Variants in TULP4 observed in about 807,000 individuals in gnomAD.
The protein encoded by TULP4 is TUB like protein 4.
Under a neutral mutation model 129.0 loss-of-function variants are expected in TULP4, and 16 were observed. The ratio of observed to expected loss-of-function variants is 0.12; its 90% CI spans 0.08 to 0.19. TULP4 has a LOEUF of 0.19. Among genes scored for constraint, TULP4 ranks in the 10% least tolerant of loss-of-function variants. TULP4 has a pLI of 1.00. For missense variants in TULP4, 1,842 were observed against 2,059.1 expected (o/e 0.89, Z 2.04); for synonymous variants, 998 against 854.0 (o/e 1.17, Z -2.94).
intron 6 of TULP4, among the ~76,000 whole-genome samples, chr6:158,471,142 A>G (rs952432341): frequency 6.6e-6 from 1 of 152,216 alleles, no homozygotes; most frequent in Non-Finnish European, 1.5e-5. Flanking sequence ...GTAGAAAGAG[A>G]CAAAGGATTT....
chr6:158,244,067 G>A (rs552212278), intron 1 of TULP4, among the ~76,000 whole-genome samples: 106 of 152,182 alleles, frequency 7.0e-4, no homozygotes, highest in Non-Finnish European at 1.3e-3. Flanking sequence ...CATTATGAAC[G>A]CCTATTTTAG....
chr6:158,474,009 C>T (rs1255439163), intron 6 of TULP4, among the ~76,000 whole-genome samples: 1 of 151,694 alleles, frequency 6.6e-6, no homozygotes, highest in Non-Finnish European at 1.5e-5. Context: ...TTTGTAGAGA[C>T]AGGGTCTTGC....
At chr6:158,262,814 G>A (rs1265098743) in intron 1 of TULP4, among the ~76,000 whole-genome samples, 1 of 152,166 alleles carries the variant, frequency 6.6e-6, no homozygotes, top group Admixed American at 6.5e-5. Context: ...TGCTTTTCAG[G>A]AGTGCAGCCG....
In TULP4 at chr6:158,493,667, G is replaced by T. The variant is rs150873405; in HGVS notation, c.1726G>T (p.Gly576Cys). Residue 576 changes from glycine (G) to cysteine (C), a missense_variant, in exon 10 of 14, where the codon GGC becomes TGC. Physicochemically the swap from Gly to Cys is radical, Grantham distance 159. This residue lies in a region of TULP4 where 456 missense variants were observed against 534.3 expected (regional missense o/e 0.85). Transcript: ENST00000367097. The surrounding 1 kb of genome is among the most constrained non-coding windows in gnomAD (Gnocchi z 4.4). ...PRLPLRKPSV[G>C]SPSLTRREFP... ...GTTGCCCCTGCGCAAGCCCTCTGTGGGCTCGCCCAGCCTGACTCGGAGAGA... is the reference window on the plus strand; with the variant it reads ...GTTGCCCCTGCGCAAGCCCTCTGTGTGCTCGCCCAGCCTGACTCGGAGAGA... 6.9e-6 allele frequency: 11 copies of T among 1,596,848 alleles called. No individual in the cohort carries two copies. The African/African-American group carries it at 1.5e-4, about 22-fold the overall frequency.
intron 3 of TULP4, among the ~76,000 whole-genome samples, chr6:158,432,824 T>C (rs894643364): frequency 3.9e-5 from 6 of 152,248 alleles, no homozygotes; most frequent in Admixed American, 2.6e-4. Flanking sequence ...CTGAAACATT[T>C]TGCCATATTT....
rs3749853 is a variant in TULP4 at position 158,503,563 on chromosome 6, A to G, written c.3900A>G (p.Gln1300=). The G allele has an allele frequency of 0.18, 289,536 of 1,613,844 alleles. 26,812 individuals carry two copies. Among genetic ancestry groups the G allele is most frequent in the Non-Finnish European group, 0.19 (225,030 of 1,179,960 alleles). ...TGTCCCCACCACCTGCCGACCTCCAAAGCCACTTGGGCACAGAGGTGATGG... is the reference window on the plus strand; with the variant it reads ...TGTCCCCACCACCTGCCGACCTCCAGAGCCACTTGGGCACAGAGGTGATGG... ...PLVSPPPADL[Q]SHLGTEVMVE... Residue 1300 remains glutamine, a synonymous_variant, in exon 13 of 14, where the codon CAA becomes CAG. Transcript: ENST00000367097. The surrounding 1 kb of genome is among the most constrained non-coding windows in gnomAD (Gnocchi z 4.3).
At chr6:158,371,479 T>G (rs999271153) in intron 1 of TULP4, among the ~76,000 whole-genome samples, 10 of 152,204 alleles carry the variant, frequency 6.6e-5, no homozygotes, top group African/African-American at 2.2e-4. Flanking sequence ...AATATTAGTA[T>G]TATTTGATCA....
chr6:158,445,832 G>A (rs1484874091), intron 3 of TULP4, among the ~76,000 whole-genome samples: 4 of 152,184 alleles, frequency 2.6e-5, no homozygotes, highest in African/African-American at 9.7e-5. Flanking sequence ...TGGCAGGAAT[G>A]CAGTTGGATG....
At chr6:158,424,117 C>T (rs922086524) in intron 2 of TULP4, among the ~76,000 whole-genome samples, 5 of 152,060 alleles carry the variant, frequency 3.3e-5, no homozygotes, top group Admixed American at 6.6e-5. Flanking sequence ...TATATTTGCC[C>T]GTGTTCATAC....
At chr6:158,377,504 T>C (rs1016214395) in intron 1 of TULP4, among the ~76,000 whole-genome samples, 1 of 152,270 alleles carries the variant, frequency 6.6e-6, no homozygotes, top group African/African-American at 2.4e-5. Flanking sequence ...AATTGTAATG[T>C]AAATGTAATT....
At chr6:158,334,922 A>G (rs1480042750) in intron 1 of TULP4, among the ~76,000 whole-genome samples, 2 of 152,170 alleles carry the variant, frequency 1.3e-5, no homozygotes, top group South Asian at 2.1e-4. Flanking sequence ...CCTTCACCAG[A>G]CACCATCTCT....
chr6:158,315,265 G>A (rs868597010), intron 1 of TULP4, among the ~76,000 whole-genome samples: 7 of 152,146 alleles, frequency 4.6e-5, no homozygotes, highest in South Asian at 2.1e-4. Context: ...CTCAAGATCC[G>A]GGGCTAGTAT....
In TULP4 at chr6:158,502,214, C is replaced by T. The variant is rs1187898260; in HGVS notation, c.2551C>T (p.Pro851Ser). Reference protein sequence around the residue: ...IPAAPTTAAPPPPLPPPQPPV... With the variant: ...IPAAPTTAAPSPPLPPPQPPV... ...CGCTGCCCCCACCACAGCAGCACCC[C>T]CGCCCCCTCTGCCGCCCCCACAGCC... Residue 851 changes from proline to serine, a missense_variant, in exon 13 of 14, where the codon CCG (proline) becomes TCG (serine). Physicochemically the swap from Pro to Ser is moderately conservative, Grantham distance 74 (BLOSUM62 -1). This residue lies in a region of TULP4 where 1,089 missense variants were observed against 987.1 expected (regional missense o/e 1.10). Transcript: ENST00000367097. The T allele has an allele frequency of 2.6e-6, 4 of 1,513,360 alleles. No individual in the cohort carries two copies. The East Asian group carries it at 7.1e-5, about 27-fold the overall frequency. The allele number at this position is 1,513,360 out of a possible 1,614,324, so 93.7% of individuals were successfully genotyped here. A position where few individuals can be genotyped will look rare whatever the true frequency, so the allele number is the denominator to read the frequency against.
At chr6:158,406,397 A>G (rs930451701) in intron 1 of TULP4, among the ~76,000 whole-genome samples, 2 of 152,210 alleles carry the variant, frequency 1.3e-5, no homozygotes, top group Admixed American at 1.3e-4. Context: ...AGTGATGAGG[A>G]AAAATGTGAA....
chr6:158,358,153 C>A (rs1037105839), intron 1 of TULP4, among the ~76,000 whole-genome samples: 2 of 152,170 alleles, frequency 1.3e-5, no homozygotes, highest in Non-Finnish European at 2.9e-5. Context: ...TTCTCAAGAT[C>A]GGTTTCTCAG....
intron 1 of TULP4, among the ~76,000 whole-genome samples, chr6:158,248,563 C>T (rs2128450803): frequency 6.6e-6 from 1 of 152,188 alleles, no homozygotes; most frequent in Non-Finnish European, 1.5e-5. Flanking sequence ...GCCACCGTGC[C>T]CGGCGTCTGT....
intron 1 of TULP4, among the ~76,000 whole-genome samples, chr6:158,385,862 T>TTTTTTA (rs71030163): frequency 6.9e-6 from 1 of 144,376 alleles, no homozygotes; most frequent in Non-Finnish European, 1.5e-5. Flanking sequence ...TTTTTTTTTT[T>TTTTTTA]GAGAAAAAGT....
intron 1 of TULP4, among the ~76,000 whole-genome samples, chr6:158,241,003 A>G (rs1205881315): frequency 7.4e-6 from 1 of 135,610 alleles, no homozygotes; most frequent in Non-Finnish European, 1.6e-5. Context: ...GGTGGTTGCC[A>G]GGCAGAGGGT....
intron 2 of TULP4, among the ~76,000 whole-genome samples, chr6:158,418,456 T>C (rs1778265835): frequency 6.6e-6 from 1 of 151,748 alleles, no homozygotes; most frequent in Admixed American, 6.6e-5. Context: ...GGTTTTGTTT[T>C]TCCAGTTGTG....
Sources: allele counts gnomAD v4.1 joint callset (sites outside exome capture counted in the v4.1 genomes callset), GRCh38; gene constraint gnomAD v4.1.1; regional missense constraint gnomAD v4.1.1; non-coding constraint Gnocchi (gnomAD v3.1); transcripts MANE v1.5; gene names NCBI Gene and HGNC (gene_info 2026-07-23, HGNC 2026-07-21).